HMGB1: variants seen among roughly 807,000 people sequenced by gnomAD.
The protein encoded by HMGB1 is high mobility group box 1.
For synonymous variants in HMGB1, 81 were observed against 84.0 expected (o/e 0.96, Z 0.19); for missense variants, 79 against 253.5 (o/e 0.31, Z 4.67).
At chr13:30,552,146 G>T (rs1869455446) in intron 1 of HMGB1, among the ~76,000 whole-genome samples, 1 of 152,118 alleles carries the variant, frequency 6.6e-6, no homozygotes, top group East Asian at 1.9e-4. Context: ...TAAAAAAGTT[G>T]TAAGATTAGT....
intron 1 of HMGB1, among the ~76,000 whole-genome samples, chr13:30,599,429 T>G (rs563761930): frequency 6.6e-6 from 1 of 152,128 alleles, no homozygotes; most frequent in Non-Finnish European, 1.5e-5. Context: ...GATCAGGCCA[T>G]TGTACTCCAG....
intron 1 of HMGB1, among the ~76,000 whole-genome samples, chr13:30,526,976 T>C (rs1888382222): frequency 6.6e-6 from 1 of 152,270 alleles, no homozygotes; most frequent in South Asian, 2.1e-4. Context: ...CACATCCTTC[T>C]GATGGCCTTT....
chr13:30,461,094 A>T lies in HMGB1; in HGVS notation c.*263T>A. On this transcript the variant is annotated 3_prime_UTR_variant, in exon 5 of 5. Coordinates refer to ENST00000341423, the MANE Select transcript of HMGB1 (RefSeq NM_002128.7). ...CTAATTTGTGCTGTGCACCAACAAG[A>T]ACCTGCTTTAAATTTCCATGCCAAT... 1 of 1,135,326 alleles carries T rather than the reference A, an allele frequency of 8.8e-7. No individual in the cohort carries two copies. Among genetic ancestry groups the T allele is most frequent in the Admixed American group, 4.3e-5 (1 of 23,032 alleles). The allele number at this position is 1,135,326 out of a possible 1,614,324, so 70.3% of individuals were successfully genotyped here. A position where few individuals can be genotyped will look rare whatever the true frequency, so the allele number is the denominator to read the frequency against.
chr13:30,608,743 G>A (rs907145070), intron 1 of HMGB1, among the ~76,000 whole-genome samples: 13 of 152,140 alleles, frequency 8.5e-5, no homozygotes, highest in Non-Finnish European at 1.3e-4. Context: ...TTTGCAGCTC[G>A]TTGTTGCTCC....
intron 1 of HMGB1, among the ~76,000 whole-genome samples, chr13:30,487,804 A>G (rs1438695173): frequency 6.6e-6 from 1 of 152,240 alleles, no homozygotes; most frequent in Admixed American, 6.5e-5. Flanking sequence ...ATGGGAAAAC[A>G]CCAGCTACTA....
At chr13:30,547,670 A>C (rs1869224837) in intron 1 of HMGB1, among the ~76,000 whole-genome samples, 1 of 151,838 alleles carries the variant, frequency 6.6e-6, no homozygotes, top group Non-Finnish European at 1.5e-5. Flanking sequence ...ACAGTGGCTC[A>C]CTTTGGGAGG....
chr13:30,559,188 A>C lies in HMGB1; in HGVS notation c.-15+57483T>G, dbSNP rs941716684. Among the ~76,000 whole-genome samples the C allele has an allele frequency of 6.6e-6, 1 of 152,062 alleles. No homozygotes were observed. Among genetic ancestry groups the C allele is most frequent in the African/African-American group, 2.4e-5 (1 of 41,388 alleles). ...GGTGGAGGAAAAATTGCCCCTGTTG[A>C]GAAGCACTGCCTTAGATCATTCCTT... On this transcript the variant is annotated intron_variant, in intron 1 of 4. Transcript: ENST00000405805. This position sits in a 1 kb window ranked among gnomAD's most constrained non-coding sequence, Gnocchi z 6.6.
At chr13:30,516,381 A>G (rs990340250) in intron 1 of HMGB1, among the ~76,000 whole-genome samples, 1 of 152,196 alleles carries the variant, frequency 6.6e-6, no homozygotes, top group African/African-American at 2.4e-5. Context: ...AACAAATTTG[A>G]AAAGTGATTT....
intron 1 of HMGB1, among the ~76,000 whole-genome samples, chr13:30,490,621 GAA>G (rs35989221): frequency 2.0e-3 from 272 of 135,076 alleles, no homozygotes; most frequent in African/African-American, 6.0e-3. Flanking sequence ...TGTCTGAACA[GAA>G]AAAAAAAAAA....
At chr13:30,501,883 C>T (rs534523878) in intron 1 of HMGB1, among the ~76,000 whole-genome samples, 63 of 152,248 alleles carry the variant, frequency 4.1e-4, no homozygotes, top group African/African-American at 1.4e-3. Flanking sequence ...AACATAGTTA[C>T]AGCTATGTTC....
intron 3 of HMGB1, among the ~76,000 whole-genome samples, 191 bp from the exon 4 acceptor site, chr13:30,462,903 G>A (rs555837985): frequency 1.3e-5 from 2 of 152,132 alleles, no homozygotes; most frequent in South Asian, 2.1e-4. Flanking sequence ...ATTTATACTA[G>A]CTAGAACCCT....
intron 1 of HMGB1, among the ~76,000 whole-genome samples, chr13:30,609,128 T>C (rs1273880357): frequency 1.3e-5 from 2 of 152,014 alleles, no homozygotes; most frequent in East Asian, 3.9e-4. Context: ...CCCGGCGTAG[T>C]GGTGGGAGCC....
chr13:30,557,629 T>C (rs1404419735), intron 1 of HMGB1, among the ~76,000 whole-genome samples: 1 of 152,202 alleles, frequency 6.6e-6, no homozygotes, highest in Non-Finnish European at 1.5e-5. Flanking sequence ...TAACTCTCTA[T>C]CCTACTTCAC....
chr13:30,600,725 A>G (rs1044196358), intron 1 of HMGB1, among the ~76,000 whole-genome samples: 2 of 152,172 alleles, frequency 1.3e-5, no homozygotes, highest in African/African-American at 4.8e-5. Flanking sequence ...GGGATACTCA[A>G]CTGGCTAAAT....
intron 1 of HMGB1, among the ~76,000 whole-genome samples, chr13:30,489,085 T>C (rs1345075546): frequency 2.6e-5 from 4 of 152,222 alleles, no homozygotes; most frequent in Non-Finnish European, 5.9e-5. Context: ...AAATACATTT[T>C]TGAGTGACTT....
At chr13:30,512,703 A>G (rs1183426613) in intron 1 of HMGB1, among the ~76,000 whole-genome samples, 1 of 152,222 alleles carries the variant, frequency 6.6e-6, no homozygotes, top group African/African-American at 2.4e-5. Flanking sequence ...CAGTAATAAT[A>G]ATGATAATTA....
chr13:30,514,343 T>C (rs1462242876), intron 1 of HMGB1, among the ~76,000 whole-genome samples: 1 of 140,904 alleles, frequency 7.1e-6, no homozygotes, highest in Non-Finnish European at 1.5e-5. Context: ...CCTCAGGGTC[T>C]AGTTCAATCT....
rs559515089 is a variant in HMGB1 at position 30,505,170 on chromosome 13, C to CGTT, written c.-14-41479_-14-41477dup. ...TATATATTTATATATTTGTTGTTGT[C>CGTT]GTTGTTGTTGTTGTTGTTATTGTTT... On this transcript the variant is annotated intron_variant, in intron 1 of 4. Coordinates refer to the HMGB1 transcript ENST00000405805. Among the ~76,000 whole-genome samples the CGTT allele has an allele frequency of 1.5e-3, 222 of 148,574 alleles. 2 individuals are homozygous for CGTT. Among genetic ancestry groups the CGTT allele is most frequent in the African/African-American group, 4.1e-3 (163 of 40,246 alleles).
intron 1 of HMGB1, among the ~76,000 whole-genome samples, chr13:30,593,274 G>T (rs1414268304): frequency 6.6e-6 from 1 of 152,120 alleles, no homozygotes; most frequent in South Asian, 2.1e-4. Flanking sequence ...GTCAGCCTCT[G>T]ATTATCTTTT....
Sources: gnomAD v4.1 joint callset for allele counts (sites outside exome capture counted in the v4.1 genomes callset) on GRCh38, gnomAD v4.1.1 for gene constraint, Gnocchi (gnomAD v3.1) non-coding constraint, MANE v1.5 for transcripts, NCBI Gene and HGNC (gene_info 2026-07-23, HGNC 2026-07-21) for gene names.